Variants in SYT1 observed in about 807,000 individuals in gnomAD.
The protein encoded by SYT1 is synaptotagmin-1.
In SYT1, 8 loss-of-function variants were observed where a neutral mutation model predicts 44.8. That is an observed-to-expected ratio of 0.18 (90% CI 0.10 to 0.32). The LOEUF (loss-of-function observed/expected upper bound fraction) is 0.32. Among genes scored for constraint, SYT1 ranks in the 10% least tolerant of loss-of-function variants. The pLI is 1.00. For missense variants in SYT1, 286 were observed against 509.3 expected (o/e 0.56, Z 4.22); for synonymous variants, 154 against 188.8 (o/e 0.82, Z 1.51).
chr12:78,942,845 C>T (rs1373976336), intron 1 of SYT1, among the ~76,000 whole-genome samples: 3 of 152,138 alleles, frequency 2.0e-5, no homozygotes, highest in Non-Finnish European at 2.9e-5. Flanking sequence ...TCTGGGGTCC[C>T]GACAAGTTGG....
intron 2 of SYT1, among the ~76,000 whole-genome samples, chr12:79,004,968 A>T (rs926163205): frequency 3.9e-5 from 6 of 152,006 alleles, no homozygotes; most frequent in Non-Finnish European, 8.8e-5. Flanking sequence ...GCTTAACTTT[A>T]GTTGTATGAA....
chr12:79,350,676 C>T (rs1418074705), intron 8 of SYT1, among the ~76,000 whole-genome samples: 1 of 152,042 alleles, frequency 6.6e-6, no homozygotes, highest in African/African-American at 2.4e-5. Context: ...TGGATCAAAC[C>T]ACCAGGTAGT....
intron 3 of SYT1, among the ~76,000 whole-genome samples, chr12:79,205,114 A>G (rs530279988): frequency 1.3e-5 from 2 of 151,922 alleles, no homozygotes; most frequent in East Asian, 3.9e-4. Flanking sequence ...ACAGGCGCCC[A>G]CCACCACGAC....
chr12:79,262,884 G>A (rs1877907862), intron 4 of SYT1, among the ~76,000 whole-genome samples: 1 of 152,050 alleles, frequency 6.6e-6, no homozygotes, highest in Non-Finnish European at 1.5e-5. Flanking sequence ...AAACAAATAG[G>A]CAAAAAAGCA....
At chr12:78,916,222 A>G (rs894235523) in intron 1 of SYT1, among the ~76,000 whole-genome samples, 1 of 152,064 alleles carries the variant, frequency 6.6e-6, no homozygotes. Flanking sequence ...ATCTGCTGAG[A>G]TAAGATTTTC....
At chr12:78,999,477 A>G (rs568876700) in intron 2 of SYT1, among the ~76,000 whole-genome samples, 2 of 152,280 alleles carry the variant, frequency 1.3e-5, no homozygotes, top group South Asian at 4.1e-4. Context: ...CAGCCCTTCT[A>G]ATGACAAGTT....
chr12:79,069,293 C>A (rs1036800253), intron 3 of SYT1, among the ~76,000 whole-genome samples: 3 of 152,072 alleles, frequency 2.0e-5, no homozygotes. Context: ...CATAAGTAGA[C>A]AAGTTAATCA....
intron 1 of SYT1, among the ~76,000 whole-genome samples, chr12:78,965,698 A>T (rs1592612042): frequency 1.3e-5 from 2 of 152,282 alleles, no homozygotes; most frequent in East Asian, 3.9e-4. Flanking sequence ...ACTTGAGCCA[A>T]GATCGGTCTC....
At chr12:79,296,818 C>A (rs1162247438) in intron 7 of SYT1, among the ~76,000 whole-genome samples, 2 of 152,118 alleles carry the variant, frequency 1.3e-5, no homozygotes, top group African/African-American at 4.8e-5. Context: ...AGTTGACAAA[C>A]AACAGAGAGA....
At chr12:79,086,409 A>G (rs1355139768) in intron 3 of SYT1, among the ~76,000 whole-genome samples, 2 of 152,172 alleles carry the variant, frequency 1.3e-5, no homozygotes, top group Admixed American at 6.6e-5. Flanking sequence ...GGAATGAAGT[A>G]CCAATCTCAG....
intron 2 of SYT1, among the ~76,000 whole-genome samples, chr12:79,018,120 T>A (rs1871929172): frequency 6.6e-6 from 1 of 151,482 alleles, no homozygotes; most frequent in African/African-American, 2.4e-5. Flanking sequence ...ATAGACTGGA[T>A]TAAGAAAATG....
At chr12:79,032,910 C>CTA (rs1379499848) in intron 2 of SYT1, among the ~76,000 whole-genome samples, 1 of 151,172 alleles carries the variant, frequency 6.6e-6, no homozygotes, top group African/African-American at 2.4e-5. Context: ...AAATCACTTG[C>CTA]TATAGTATAT....
chr12:78,867,679 A>G (rs1873614785), intron 1 of SYT1, among the ~76,000 whole-genome samples: 2 of 152,140 alleles, frequency 1.3e-5, no homozygotes, highest in Non-Finnish European at 2.9e-5. Flanking sequence ...TACTAATTTC[A>G]CAAAAATACC....
At chr12:79,316,109 A>G (rs973573301) in intron 8 of SYT1, among the ~76,000 whole-genome samples, 1 of 152,228 alleles carries the variant, frequency 6.6e-6, no homozygotes, top group Admixed American at 6.5e-5. Context: ...ACACAGTGTA[A>G]CACCAATCAA....
chr12:79,317,130 T>C (rs1881128204), intron 8 of SYT1, among the ~76,000 whole-genome samples: 1 of 152,188 alleles, frequency 6.6e-6, no homozygotes, highest in Non-Finnish European at 1.5e-5. Flanking sequence ...AACAATCCAT[T>C]GTTTACAGAA....
chr12:79,056,041 G>C (rs771277548), intron 3 of SYT1, among the ~76,000 whole-genome samples: 1 of 151,960 alleles, frequency 6.6e-6, no homozygotes, highest in Non-Finnish European at 1.5e-5. Flanking sequence ...GACATGTACA[G>C]GTTTGTAGCC....
intron 4 of SYT1, among the ~76,000 whole-genome samples, chr12:79,269,374 G>A (rs941007722): frequency 1.3e-5 from 2 of 151,938 alleles, no homozygotes; most frequent in African/African-American, 4.8e-5. Flanking sequence ...CCTATCTCTA[G>A]TTTTATTTTC....
chr12:78,884,757 A>G (rs1420240413), intron 1 of SYT1, among the ~76,000 whole-genome samples: 2 of 151,684 alleles, frequency 1.3e-5, no homozygotes, highest in Non-Finnish European at 2.9e-5. Flanking sequence ...TAAACTTGTT[A>G]AGAATGAGCT....
chr12:79,210,677 T>C (rs1184125454), intron 3 of SYT1, among the ~76,000 whole-genome samples: 1 of 152,244 alleles, frequency 6.6e-6, no homozygotes, highest in Non-Finnish European at 1.5e-5. Context: ...GTTCCATGAT[T>C]TTGCAATTGC....
Sources: gnomAD v4.1 joint callset for allele counts (sites outside exome capture counted in the v4.1 genomes callset) on GRCh38, gnomAD v4.1.1 for gene constraint, MANE v1.5 for transcripts, NCBI Gene and HGNC (gene_info 2026-07-23, HGNC 2026-07-21) for gene names.